The following SULF2 variants were observed in gnomAD, a reference collection of about 807,000 sequenced individuals.
SULF2 encodes sulfatase 2.
A neutral mutation model predicts 107.7 loss-of-function variants in SULF2; 52 were observed. That is an observed-to-expected ratio of 0.48 (90% CI 0.39 to 0.61). The LOEUF is 0.61. Ranked by LOEUF, SULF2 falls within the 20% of genes least tolerant of loss-of-function variation. SULF2 has a pLI of 0.00. For missense variants in SULF2, 993 were observed against 1,177.3 expected (o/e 0.84, Z 2.29); for synonymous variants, 460 against 464.3 (o/e 0.99, Z 0.12).
chr20:47,683,274 G>T, intron 6 of SULF2, 105 bp from the exon 7 acceptor site: 1 of 1,184,778 alleles, frequency 8.4e-7, no homozygotes, highest in Non-Finnish European at 1.1e-6. Flanking sequence ...TCCCTCCCCT[G>T]CTTCAGGTCT....
intron 3 of SULF2, among the ~76,000 whole-genome samples, chr20:47,735,987 A>G (rs2089720765): frequency 6.6e-6 from 1 of 152,198 alleles, no homozygotes; most frequent in Non-Finnish European, 1.5e-5. Flanking sequence ...TTCTTACCCA[A>G]GGCGGGGAGT....
chr20:47,729,131 C>T (rs769571002), intron 3 of SULF2, among the ~76,000 whole-genome samples: 9 of 152,238 alleles, frequency 5.9e-5, no homozygotes, highest in Middle Eastern at 3.4e-3. Context: ...AAAGTGCAGA[C>T]GTGTAGAAGT....
chr20:47,665,526 C>T (rs554630016), intron 13 of SULF2, among the ~76,000 whole-genome samples: 8 of 152,362 alleles, frequency 5.3e-5, no homozygotes, highest in East Asian at 3.9e-4. Context: ...GTCATTTTTC[C>T]GGCCTGGCCT....
At position 47,717,463 on chromosome 20, in the gene SULF2, C is replaced by T. The variant is rs537575023; in HGVS notation, c.416-14793G>A. Among the ~76,000 whole-genome samples the T allele has an allele frequency of 2.2e-4, 34 of 152,224 alleles. No homozygotes were observed. In the South Asian group the frequency reaches 6.6e-3, roughly 30 times the overall value. On this transcript the variant is annotated intron_variant, in intron 3 of 20. Coordinates refer to ENST00000688720, the MANE Select transcript of SULF2 (RefSeq NM_001387048.1). ...CACAGACTGGAGCTCTTCCCATCCACGGGGACGCAGAGAGGCAGGGAAGAG... is the reference window on the plus strand; with the variant it reads ...CACAGACTGGAGCTCTTCCCATCCATGGGGACGCAGAGAGGCAGGGAAGAG...
At chr20:47,738,345 C>A (rs1303295046) in intron 2 of SULF2, among the ~76,000 whole-genome samples, 1 of 152,164 alleles carries the variant, frequency 6.6e-6, no homozygotes, top group Non-Finnish European at 1.5e-5. Flanking sequence ...CTCTCTCCTT[C>A]TTCTATGGCC....
At chr20:47,747,590 C>A (rs1305066967) in intron 2 of SULF2, among the ~76,000 whole-genome samples, 1 of 152,128 alleles carries the variant, frequency 6.6e-6, no homozygotes, top group African/African-American at 2.4e-5. Flanking sequence ...AATCACCATC[C>A]CTGGGAGGGG....
intron 5 of SULF2, chr20:47,686,144 C>T (rs2087995650): frequency 1.3e-5 from 2 of 152,190 alleles, no homozygotes; most frequent in African/African-American, 4.8e-5. Flanking sequence ...ATTGGTGTGT[C>T]CCTTTGTCAT....
At chr20:47,661,258 G>T (rs2087057028) in intron 18 of SULF2, among the ~76,000 whole-genome samples, 1 of 152,036 alleles carries the variant, frequency 6.6e-6, no homozygotes, top group Non-Finnish European at 1.5e-5. Flanking sequence ...TTTTCTCAGT[G>T]GTCGATTGCA....
intron 1 of SULF2, among the ~76,000 whole-genome samples, chr20:47,771,927 G>A (rs1257474809): frequency 2.0e-5 from 3 of 152,322 alleles, no homozygotes; most frequent in African/African-American, 7.2e-5. Flanking sequence ...CAGCTCCCCA[G>A]GAAGTTTCTG....
intron 3 of SULF2, among the ~76,000 whole-genome samples, chr20:47,714,172 G>C (rs1288364176): frequency 2.0e-5 from 3 of 152,224 alleles, no homozygotes; most frequent in Non-Finnish European, 2.9e-5. Flanking sequence ...AAACAAAACG[G>C]GGTCTTTGCC....
chr20:47,710,563 C>T (rs889596398), intron 3 of SULF2, among the ~76,000 whole-genome samples: 5 of 151,822 alleles, frequency 3.3e-5, no homozygotes, highest in African/African-American at 1.2e-4. Context: ...CACCTAACGA[C>T]ACGTTTCTCA....
rs569062562 is a variant in SULF2, at chr20:47,735,804, G to A, written c.415+899C>T. Among the ~76,000 whole-genome samples the A allele has an allele frequency of 4.6e-5, 7 of 152,306 alleles. No individual in the cohort carries two copies. The South Asian group carries it at 1.0e-3, about 23-fold the overall frequency. Reference sequence around the variant, plus strand: ...GCCAGCCCACACTGTGTATCTGAGAGGAAGCTGCCCAGCCTCGAGGGCTGC... The same window carrying A: ...GCCAGCCCACACTGTGTATCTGAGAAGAAGCTGCCCAGCCTCGAGGGCTGC... On this transcript the variant is annotated intron_variant, in intron 3 of 20. Coordinates refer to ENST00000688720, the MANE Select transcript of SULF2 (RefSeq NM_001387048.1).
intron 3 of SULF2, among the ~76,000 whole-genome samples, chr20:47,719,939 T>C (rs2089237396): frequency 6.6e-6 from 1 of 152,172 alleles, no homozygotes; most frequent in Admixed American, 6.5e-5. Flanking sequence ...ACCATCATTA[T>C]CATTATTATC....
rs1292581336 is a variant in SULF2 at position 47,678,828 on chromosome 20, A to C, written c.1065-24T>G. 8.1e-6 allele frequency: 13 copies of C among 1,608,508 alleles called. No homozygotes were observed. The highest frequency in any genetic ancestry group is 9.3e-6 in the Non-Finnish European group (11 of 1,177,264). On this transcript the variant is annotated intron_variant, in intron 7 of 20. Transcript: ENST00000688720. The surrounding 1 kb of genome is among the most constrained non-coding windows in gnomAD (Gnocchi z 4.5). ...TCCTGGGGGAGGCAGGAGATCGGGG[A>C]CTCAGTCACTCAGGTGGTGGTGCCT...
At chr20:47,677,573 A>G (rs2087692396) in intron 8 of SULF2, among the ~76,000 whole-genome samples, 1 of 152,210 alleles carries the variant, frequency 6.6e-6, no homozygotes, top group African/African-American at 2.4e-5. Flanking sequence ...TCTTGAGCTC[A>G]GTGTCAGGCG....
At chr20:47,701,610 G>C (rs1403067550) in intron 4 of SULF2, among the ~76,000 whole-genome samples, 1 of 152,186 alleles carries the variant, frequency 6.6e-6, no homozygotes, top group Admixed American at 6.5e-5. Context: ...ATGCTCACCA[G>C]GAGCTAGGTT....
chr20:47,768,882 G>GTTTTGTTTT (rs752382281), intron 1 of SULF2, among the ~76,000 whole-genome samples: 13 of 127,470 alleles, frequency 1.0e-4, no homozygotes, highest in Admixed American at 6.5e-4. Context: ...TTGTGTGCGT[G>GTTTTGTTTT]TTTTTTTTTT....
chr20:47,751,374 C>T (rs1206741742), intron 2 of SULF2, among the ~76,000 whole-genome samples: 1 of 152,224 alleles, frequency 6.6e-6, no homozygotes, highest in Non-Finnish European at 1.5e-5. Context: ...GGAATGTGCA[C>T]CTGACTCCAT....
intron 1 of SULF2, among the ~76,000 whole-genome samples, chr20:47,782,365 C>T (rs368922735): frequency 4.3e-4 from 65 of 152,316 alleles, no homozygotes; most frequent in African/African-American, 1.5e-3. Flanking sequence ...ATCTTAATGC[C>T]CTCCCAATTA....
Sources: gnomAD v4.1 joint callset for allele counts (sites outside exome capture counted in the v4.1 genomes callset) on GRCh38, gnomAD v4.1.1 for gene constraint, Gnocchi (gnomAD v3.1) non-coding constraint, MANE v1.5 for transcripts, NCBI Gene and HGNC (gene_info 2026-07-23, HGNC 2026-07-21) for gene names.